PPP1R36: variants seen among roughly 807,000 people sequenced by gnomAD.
PPP1R36 encodes chromosome 14 open reading frame 50.
In PPP1R36, 47 loss-of-function variants were observed where a neutral mutation model predicts 53.4. The ratio of observed to expected loss-of-function variants is 0.88; its 90% CI spans 0.70 to 1.12. The LOEUF (loss-of-function observed/expected upper bound fraction) is 1.12, where lower values mean the gene tolerates loss of function less well. Ranked by LOEUF, PPP1R36 falls within the 50% of genes most tolerant of loss-of-function variation. The probability of loss-of-function intolerance (pLI) is 0.00; values close to 1 mark genes in which losing one functional copy is unlikely to be tolerated. For synonymous variants in PPP1R36, 153 were observed against 170.5 expected (o/e 0.90, Z 0.80); for missense variants, 456 against 513.9 (o/e 0.89, Z 1.09).
intron 3 of PPP1R36, among the ~76,000 whole-genome samples, chr14:64,556,762 A>ATGTGGGTGTGTG (rs2080157258): frequency 7.5e-6 from 1 of 133,970 alleles, no homozygotes; most frequent in Admixed American, 7.8e-5. Context: ...TCTCCAAAAA[A>ATGTGGGTGTGTG]TGTGTGTGTG....
At chr14:64,559,024 T>C (rs1259780470) in intron 3 of PPP1R36, among the ~76,000 whole-genome samples, 1 of 152,152 alleles carries the variant, frequency 6.6e-6, no homozygotes, top group Non-Finnish European at 1.5e-5. Context: ...AGGGAAGGTT[T>C]TGGGGATTTT....
chr14:64,551,648 C>A (rs889902106), intron 2 of PPP1R36: 1 of 456,064 alleles, frequency 2.2e-6, no homozygotes, highest in African/African-American at 2.0e-5. Flanking sequence ...AGAAACAAGG[C>A]TCAGGGAGAT....
chr14:64,589,289 T>C lies in PPP1R36; in HGVS notation c.1220T>C (p.Leu407Pro), dbSNP rs202103437. 211 of 1,613,884 alleles carry C rather than the reference T, an allele frequency of 1.3e-4. No individual in the cohort carries two copies. Among genetic ancestry groups the C allele is most frequent in the Non-Finnish European group, 1.8e-4 (207 of 1,179,884 alleles). Residue 407 changes from leucine to proline, a missense_variant, in exon 12 of 12, where the codon CTG becomes CCG. Transcript: ENST00000298705. ...ENNNMRIQDT[L>P]DLVMKTLSSH... Reference sequence around the variant, plus strand: ...AATAACATGAGGATTCAGGATACACTGGACTTGGTCATGAAAACACTGTCC... The same window carrying C: ...AATAACATGAGGATTCAGGATACACCGGACTTGGTCATGAAAACACTGTCC...
At chr14:64,572,031 G>T (rs1333247461) in intron 7 of PPP1R36, among the ~76,000 whole-genome samples, 1 of 152,130 alleles carries the variant, frequency 6.6e-6, no homozygotes, top group East Asian at 1.9e-4. Context: ...TTTGGGTGGG[G>T]ACACAGCCAA....
intron 7 of PPP1R36, among the ~76,000 whole-genome samples, chr14:64,569,231 C>A (rs754413695): frequency 4.6e-5 from 7 of 152,134 alleles, no homozygotes; most frequent in Non-Finnish European, 7.3e-5. Context: ...CCTTGGTGAC[C>A]TTTTGCAAGC....
At chr14:64,569,631 C>T (rs772122403) in intron 7 of PPP1R36, among the ~76,000 whole-genome samples, 14 of 152,226 alleles carry the variant, frequency 9.2e-5, no homozygotes, top group South Asian at 2.1e-4. Flanking sequence ...CCAAATGAAA[C>T]GTAATTAGAC....
chr14:64,573,988 AAT>A (rs2080323530), intron 7 of PPP1R36, among the ~76,000 whole-genome samples: 1 of 151,514 alleles, frequency 6.6e-6, no homozygotes, highest in African/African-American at 2.4e-5. Context: ...CCAATGATTA[AAT>A]ATGAAGGGAC....
intron 6 of PPP1R36, among the ~76,000 whole-genome samples, chr14:64,565,909 A>G (rs1258699366): frequency 1.3e-5 from 2 of 152,216 alleles, no homozygotes; most frequent in African/African-American, 2.4e-5. Flanking sequence ...CAGGGCAAGT[A>G]GTATGGAGAG....
chr14:64,582,144 AC>A (rs967370359), intron 8 of PPP1R36, among the ~76,000 whole-genome samples: 6 of 151,434 alleles, frequency 4.0e-5, no homozygotes, highest in African/African-American at 9.7e-5. Context: ...CTCTACCCTT[AC>A]CCCCAGTCAC....
chr14:64,586,806 CA>C (rs767855081), intron 8 of PPP1R36, 30 bp from the exon 9 acceptor site: 1 of 1,555,922 alleles, frequency 6.4e-7, no homozygotes, highest in South Asian at 1.1e-5. Flanking sequence ...ACTTCCCTCT[CA>C]ACCTATAGTT....
intron 3 of PPP1R36, among the ~76,000 whole-genome samples, chr14:64,555,588 T>TAAGTCGGGAGGTTGAGGG (rs1262468529): frequency 3.3e-5 from 5 of 152,306 alleles, no homozygotes; most frequent in African/African-American, 1.2e-4. Flanking sequence ...AGTGAGTACC[T>TAAGTCGGGAGGTTGAGGG]GTAGTCCCAG....
At chr14:64,563,262 T>G (rs573655903) in intron 3 of PPP1R36, among the ~76,000 whole-genome samples, 1 of 152,276 alleles carries the variant, frequency 6.6e-6, no homozygotes, top group Admixed American at 6.5e-5. Flanking sequence ...GTCTCCACTT[T>G]CTGGGCTCAG....
intron 7 of PPP1R36, among the ~76,000 whole-genome samples, chr14:64,574,009 T>G (rs958232609): frequency 1.3e-5 from 2 of 150,906 alleles, no homozygotes; most frequent in Admixed American, 6.6e-5. Flanking sequence ...ACTTTAAGGA[T>G]TTTCCTATAC....
At position 64,583,839 on chromosome 14, in the gene PPP1R36, A is replaced by C. The variant is rs183752102; in HGVS notation, c.669-2998A>C. Among the ~76,000 whole-genome samples, 3 of 150,208 alleles carry C rather than the reference A, an allele frequency of 2.0e-5. No homozygotes were observed. The East Asian group carries it at 5.9e-4, about 30-fold the overall frequency. On this transcript the variant is annotated intron_variant, in intron 8 of 11. Coordinates refer to ENST00000298705, the MANE Select transcript of PPP1R36 (RefSeq NM_172365.3). ...AAAAAAAAAAAAAAAAAAAAGAGAG[A>C]AAGAGTTCCAGTGTGTATGGCAACT...
At chr14:64,582,122 T>C (rs563373914) in intron 8 of PPP1R36, among the ~76,000 whole-genome samples, 1 of 152,182 alleles carries the variant, frequency 6.6e-6, no homozygotes, top group Admixed American at 6.5e-5. Context: ...AAATTATCCC[T>C]AAGCCCTATT....
intron 8 of PPP1R36, among the ~76,000 whole-genome samples, chr14:64,578,024 C>CTT (rs748493070): frequency 7.3e-6 from 1 of 136,456 alleles, no homozygotes. Flanking sequence ...TGCACCTGGC[C>CTT]TTTTTTTTTT....
chr14:64,565,790 C>A (rs967118455), intron 6 of PPP1R36, 98 bp downstream of exon 6: 8 of 934,846 alleles, frequency 8.6e-6, no homozygotes, highest in Admixed American at 2.0e-5. Flanking sequence ...AGAGGAAGAG[C>A]GTGAGGCTGG....
chr14:64,579,826 C>T (rs891307935), intron 8 of PPP1R36, among the ~76,000 whole-genome samples: 4 of 151,958 alleles, frequency 2.6e-5, no homozygotes, highest in Admixed American at 6.6e-5. Context: ...AAAAATTAGC[C>T]GGGCGTGGTG....
chr14:64,564,607 A>T (rs752808011), intron 3 of PPP1R36, 144 bp from the exon 4 acceptor site: 1 of 515,428 alleles, frequency 1.9e-6, no homozygotes, highest in South Asian at 2.8e-5. Flanking sequence ...TAAGTGTTCC[A>T]TATATAAATA....
Sources: allele counts gnomAD v4.1 joint callset (sites outside exome capture counted in the v4.1 genomes callset), GRCh38; gene constraint gnomAD v4.1.1; transcripts MANE v1.5; gene names NCBI Gene and HGNC (gene_info 2026-07-23, HGNC 2026-07-21).